IQGAP2: variants seen among roughly 807,000 people sequenced by gnomAD.
IQGAP2 encodes the protein ras GTPase-activating-like protein IQGAP2.
IQGAP2 carries 173 observed loss-of-function variants against 201.3 expected under a neutral mutation model. That is an observed-to-expected ratio of 0.86 (90% CI 0.76 to 0.98). The LOEUF (loss-of-function observed/expected upper bound fraction) is 0.98, where lower values mean the gene tolerates loss of function less well. Ranked by LOEUF, IQGAP2 falls within the 50% of genes least tolerant of loss-of-function variation. The pLI is 0.00. For synonymous variants in IQGAP2, 675 were observed against 673.9 expected (o/e 1.00, Z -0.03); for missense variants, 1,687 against 1,864.8 (o/e 0.90, Z 1.76).
rs566981198 is a variant in IQGAP2, at chr5:76,503,993, T to G, written c.146+42324T>G. 2.6e-5 allele frequency among the ~76,000 whole-genome samples: 4 copies of G among 152,340 alleles called. No individual in the cohort carries two copies. In the East Asian group the frequency reaches 7.7e-4, roughly 29 times the overall value. On this transcript the variant is annotated intron_variant, in intron 2 of 35. Transcript: ENST00000274364. ...TTAGCAGTATCTACCTAGAATCTTG[T>G]GTCTCACAAGACTTGACCAGATTGA...
At chr5:76,533,158 G>A (rs1213988355) in intron 2 of IQGAP2, among the ~76,000 whole-genome samples, 1 of 152,064 alleles carries the variant, frequency 6.6e-6, no homozygotes, top group Non-Finnish European at 1.5e-5. Context: ...TTTTTGAAGG[G>A]CAGATGGGTG....
chr5:76,680,825 C>G (rs956598643), intron 28 of IQGAP2, among the ~76,000 whole-genome samples: 5 of 149,166 alleles, frequency 3.4e-5, no homozygotes, highest in African/African-American at 1.2e-4. Flanking sequence ...AAAATTTCAT[C>G]CAGGTGCAGT....
In IQGAP2 at chr5:76,627,450, T is replaced by C; in HGVS notation, c.1562T>C (p.Ile521Thr). Residue 521 changes from isoleucine (I) to threonine (T), a missense_variant, in exon 14 of 36, where the codon ATA becomes ACA. Physicochemically the swap from Ile to Thr is moderately conservative, Grantham distance 89. Coordinates refer to ENST00000274364, the MANE Select transcript of IQGAP2 (RefSeq NM_006633.5). The stretch of plus-strand genomic sequence containing the variant: ...TCCAAAGTGCTTTGGCTGGATGAGA[T>C]ACAGCAAGCCGTCGATGATGCCAAC... ...SVSKVLWLDE[I>T]QQAVDDANVD... is the part of the protein sequence containing the mutation. The C allele has an allele frequency of 6.2e-7, 1 of 1,603,944 alleles. No homozygotes were observed. The highest frequency in any genetic ancestry group is 8.5e-7 in the Non-Finnish European group (1 of 1,170,800).
chr5:76,707,015 C>T (rs1411081854), intron 35 of IQGAP2, among the ~76,000 whole-genome samples, 185 bp from the exon 36 acceptor site: 1 of 152,186 alleles, frequency 6.6e-6, no homozygotes, highest in African/African-American at 2.4e-5. Flanking sequence ...CCTGGCTACT[C>T]GGGAGGCTGA....
intron 12 of IQGAP2, among the ~76,000 whole-genome samples, chr5:76,610,683 G>A (rs935388661): frequency 2.6e-5 from 4 of 152,036 alleles, no homozygotes; most frequent in African/African-American, 9.7e-5. Flanking sequence ...TCCAATTCAT[G>A]AACATTGGCT....
rs190977409 is a variant in IQGAP2 at position 76,574,398 on chromosome 5, G to T, written c.382-1295G>T. On this transcript the variant is annotated intron_variant, in intron 4 of 35. Transcript: ENST00000274364. ...GGCTTACTGCAACCTCCACTTCCTG[G>T]GTTCAAGCAATTCTCCTGCCTCAGC... Among the ~76,000 whole-genome samples the T allele has an allele frequency of 3.5e-3, 540 of 152,232 alleles. 1 individual carries two copies. The highest frequency in any genetic ancestry group is 6.4e-3 in the Non-Finnish European group (434 of 68,022).
rs566871670 is a variant in IQGAP2, at chr5:76,441,689, C to T, written c.47-19881C>T. Among the ~76,000 whole-genome samples the T allele has an allele frequency of 2.0e-3, 299 of 152,300 alleles. 1 individual carries two copies. The highest frequency in any genetic ancestry group is 1.5e-3 in the Non-Finnish European group (100 of 68,026). On this transcript the variant is annotated intron_variant, in intron 1 of 35. Transcript: ENST00000274364. ...TGTTACTTTTCTACCTTTTGGTTAA[C>T]TTTGTAGACTGAACTGTTGCAGATG...
At chr5:76,691,897 A>G (rs1405870301) in intron 30 of IQGAP2, among the ~76,000 whole-genome samples, 1 of 152,220 alleles carries the variant, frequency 6.6e-6, no homozygotes, top group Admixed American at 6.5e-5. Context: ...AGTTGCCCAT[A>G]TCCTTCAAAA....
chr5:76,605,539 G>T (rs925132479), intron 11 of IQGAP2, among the ~76,000 whole-genome samples: 12 of 152,104 alleles, frequency 7.9e-5, no homozygotes, highest in African/African-American at 2.2e-4. Context: ...GGAGAAATGG[G>T]CAGGTGAAAA....
chr5:76,484,121 T>C (rs1426543697), intron 2 of IQGAP2, among the ~76,000 whole-genome samples: 2 of 151,990 alleles, frequency 1.3e-5, no homozygotes, highest in Non-Finnish European at 2.9e-5. Context: ...ACTTCCAGCT[T>C]GGGCCCCAGA....
chr5:76,600,094 G>T (rs1184346451), intron 10 of IQGAP2, among the ~76,000 whole-genome samples: 2 of 152,060 alleles, frequency 1.3e-5, no homozygotes, highest in Non-Finnish European at 2.9e-5. Context: ...GCTGCAGTGA[G>T]CCTAGATCGT....
chr5:76,627,508 C>G lies in IQGAP2; in HGVS notation c.1612+8C>G. 6.9e-7 allele frequency: 1 copy of G among 1,442,296 alleles called. No homozygotes were observed. 89.3% of individuals were successfully genotyped at this position (1,442,296 alleles called of 1,614,324 possible). On this transcript the variant is annotated splice_region_variant and intron_variant, in intron 14 of 35. Transcript: ENST00000274364. The stretch of plus-strand genomic sequence containing the variant: ...AGGACAGAGCAAAACAATGTAAGCC[C>G]TCACCTCCTTTGCTCTTGAAACTTG...
Position 76,589,020 on chromosome 5 carries a change from G to T in IQGAP2, c.526+47G>T, listed in dbSNP as rs75749150. On this transcript the variant is annotated intron_variant, in intron 6 of 35. Transcript: ENST00000274364. ...ATTTTTTACAATCTAGTTATAAAAA[G>T]TACCAATACCTGGCCGGGCGTGGTG... 2.0e-3 allele frequency: 2,750 copies of T among 1,354,020 alleles called. 14 individuals are homozygous for T. In the East Asian group the frequency reaches 0.021, roughly 10 times the overall value. The allele number at this position is 1,354,020 out of a possible 1,614,324, so 83.9% of individuals were successfully genotyped here. A position where few individuals can be genotyped will look rare whatever the true frequency, so the allele number is the denominator to read the frequency against.
At chr5:76,434,798 T>C (rs548297787) in intron 1 of IQGAP2, among the ~76,000 whole-genome samples, 36 of 152,304 alleles carry the variant, frequency 2.4e-4, no homozygotes, top group Admixed American at 8.5e-4. Context: ...TTCATAGAGG[T>C]TGTACTAATT....
intron 13 of IQGAP2, among the ~76,000 whole-genome samples, chr5:76,625,510 A>C (rs1750142587): frequency 6.6e-6 from 1 of 152,016 alleles, no homozygotes. Flanking sequence ...TCCCCCATCC[A>C]TTCTTGAAAG....
At chr5:76,503,138 T>C (rs1329987186) in intron 2 of IQGAP2, among the ~76,000 whole-genome samples, 2 of 151,800 alleles carry the variant, frequency 1.3e-5, no homozygotes, top group Non-Finnish European at 2.9e-5. Flanking sequence ...TTTTTAAATT[T>C]TGCTTTTAAA....
intron 21 of IQGAP2, chr5:76,660,319 A>C (rs1743141155): frequency 1.3e-5 from 2 of 152,270 alleles, no homozygotes; most frequent in South Asian, 4.1e-4. Flanking sequence ...ACTACAGTTT[A>C]AATGTTCTAC....
chr5:76,578,459 C>T (rs540751837), intron 5 of IQGAP2, among the ~76,000 whole-genome samples: 7 of 152,018 alleles, frequency 4.6e-5, no homozygotes, highest in South Asian at 4.2e-4. Context: ...ACTACAGGCA[C>T]GCACTACTAT....
At chr5:76,655,875 C>T (rs1048876702) in intron 20 of IQGAP2, among the ~76,000 whole-genome samples, 1 of 152,146 alleles carries the variant, frequency 6.6e-6, no homozygotes, top group Admixed American at 6.5e-5. Context: ...TAAGTTGATT[C>T]TTTATATACT....
Sources: gnomAD v4.1 joint callset for allele counts (sites outside exome capture counted in the v4.1 genomes callset) on GRCh38, gnomAD v4.1.1 for gene constraint, MANE v1.5 for transcripts, NCBI Gene and HGNC (gene_info 2026-07-23, HGNC 2026-07-21) for gene names.